NRXN3: variants seen among roughly 807,000 people sequenced by gnomAD.
The protein encoded by NRXN3 is neurexin III.
In NRXN3, 32 loss-of-function variants were observed where a neutral mutation model predicts 137.6. The ratio of observed to expected loss-of-function variants is 0.23; its 90% CI spans 0.18 to 0.31. NRXN3 has a LOEUF of 0.31. Ranked by LOEUF, NRXN3 falls within the 10% of genes least tolerant of loss-of-function variation. The pLI is 1.00. For synonymous variants in NRXN3, 798 were observed against 784.5 expected (o/e 1.02, Z -0.29); for missense variants, 1,574 against 2,062.5 (o/e 0.76, Z 4.59).
intron 15 of NRXN3, among the ~76,000 whole-genome samples, chr14:79,087,856 C>T (rs1252600342): frequency 1.1e-4 from 16 of 152,158 alleles, no homozygotes; most frequent in Non-Finnish European, 2.9e-5. Flanking sequence ...CTGGAAGAGT[C>T]CTCTGGAGAG....
intron 19 of NRXN3, among the ~76,000 whole-genome samples, chr14:79,710,710 T>A (rs753609674): frequency 1.1e-4 from 17 of 152,090 alleles, no homozygotes; most frequent in Non-Finnish European, 2.1e-4. Flanking sequence ...ATATTTGAGT[T>A]ATTTGAGTGC....
chr14:79,279,977 C>A (rs1004645995), intron 15 of NRXN3: 16 of 1,154,672 alleles, frequency 1.4e-5, no homozygotes, highest in Middle Eastern at 3.8e-4. Context: ...GAGGAAGCCG[C>A]GCCGGTCTTC....
intron 16 of NRXN3, among the ~76,000 whole-genome samples, chr14:79,499,992 T>TGTGTGTG (rs1567302849): frequency 6.2e-5 from 9 of 144,098 alleles, no homozygotes; most frequent in South Asian, 2.2e-4. Context: ...TGTGTGTGTG[T>TGTGTGTG]TAAAGGACGA....
At chr14:79,359,246 C>T (rs1300059449) in intron 15 of NRXN3, among the ~76,000 whole-genome samples, 1 of 152,132 alleles carries the variant, frequency 6.6e-6, no homozygotes. Flanking sequence ...AGTCTTTTCC[C>T]ATTGTTCTGC....
At chr14:78,213,352 C>T (rs760175385) in intron 1 of NRXN3, among the ~76,000 whole-genome samples, 1 of 152,100 alleles carries the variant, frequency 6.6e-6, no homozygotes. Context: ...ATTAGACATG[C>T]AAGAATCTTA....
At chr14:78,439,519 T>G (rs1273639131) in intron 4 of NRXN3, among the ~76,000 whole-genome samples, 1 of 152,220 alleles carries the variant, frequency 6.6e-6, no homozygotes, top group Non-Finnish European at 1.5e-5. Flanking sequence ...AGAAGTTAAT[T>G]GCCTGTGGTC....
intron 16 of NRXN3, among the ~76,000 whole-genome samples, chr14:79,573,427 C>G (rs1264946160): frequency 6.6e-6 from 1 of 152,076 alleles, no homozygotes; most frequent in Non-Finnish European, 1.5e-5. Context: ...TGTCACACAG[C>G]ACTGGTTTTG....
chr14:78,632,423 A>T (rs1024854253), intron 4 of NRXN3, among the ~76,000 whole-genome samples: 1 of 151,720 alleles, frequency 6.6e-6, no homozygotes, highest in Non-Finnish European at 1.5e-5. Context: ...TTTTTTTTTT[A>T]AAGAAATGAA....
intron 15 of NRXN3, among the ~76,000 whole-genome samples, chr14:79,193,063 C>T (rs1421817414): frequency 2.0e-5 from 3 of 151,886 alleles, no homozygotes; most frequent in Non-Finnish European, 2.9e-5. Flanking sequence ...GCCACCACGC[C>T]TGGCTATGTA....
At chr14:79,330,534 G>T (rs974707090) in intron 15 of NRXN3, among the ~76,000 whole-genome samples, 2 of 152,134 alleles carry the variant, frequency 1.3e-5, no homozygotes, top group African/African-American at 2.4e-5. Context: ...TGGTCTATTT[G>T]AGTTGATGTT....
At chr14:79,732,000 C>A (rs962059023) in intron 19 of NRXN3, among the ~76,000 whole-genome samples, 1 of 152,006 alleles carries the variant, frequency 6.6e-6, no homozygotes, top group Non-Finnish European at 1.5e-5. Context: ...CCCTCCCTCA[C>A]CCCTCCCAAT....
chr14:78,780,294 A>G (rs919583354), intron 8 of NRXN3, among the ~76,000 whole-genome samples: 2 of 152,220 alleles, frequency 1.3e-5, no homozygotes, highest in African/African-American at 4.8e-5. Flanking sequence ...TATATCACCC[A>G]TGAAAATAAA....
At chr14:79,415,730 T>C (rs1311423472) in intron 15 of NRXN3, among the ~76,000 whole-genome samples, 1 of 152,136 alleles carries the variant, frequency 6.6e-6, no homozygotes, top group Admixed American at 6.6e-5. Flanking sequence ...GTTTAAGAAA[T>C]GTAGCATTGA....
intron 1 of NRXN3, among the ~76,000 whole-genome samples, chr14:78,219,818 A>T (rs78976257): frequency 0.013 from 1,970 of 152,260 alleles, 22 homozygotes; most frequent in Non-Finnish European, 0.021. Context: ...GTACGTTAGG[A>T]GAGTTGGAAG....
rs541954439 is a variant in NRXN3, at chr14:79,717,411, A to G, written c.4014+19474A>G. 1.2e-4 allele frequency among the ~76,000 whole-genome samples: 19 copies of G among 152,360 alleles called. No homozygotes were observed. In the South Asian group the frequency reaches 3.9e-3, roughly 32 times the overall value. ...GCTAATTCTTTCAAACTTCCTTGTC[A>G]GACTCAAACCTCGATGTGTCTTTTG... On this transcript the variant is annotated intron_variant, in intron 19 of 20. Transcript: ENST00000335750.
intron 16 of NRXN3, among the ~76,000 whole-genome samples, chr14:79,586,096 T>G (rs531315774): frequency 4.4e-4 from 67 of 152,330 alleles, no homozygotes; most frequent in African/African-American, 1.6e-3. Context: ...CCCTGGGAGA[T>G]GCATATGCCA....
intron 3 of NRXN3, among the ~76,000 whole-genome samples, chr14:78,289,314 A>G (rs2075540056): frequency 6.6e-6 from 1 of 152,170 alleles, no homozygotes; most frequent in Non-Finnish European, 1.5e-5. Context: ...CATTCTGATT[A>G]TGGGTAGCAT....
chr14:78,522,402 T>A (rs2096296732), intron 4 of NRXN3, among the ~76,000 whole-genome samples: 1 of 152,202 alleles, frequency 6.6e-6, no homozygotes, highest in African/African-American at 2.4e-5. Flanking sequence ...ATAATTTGGT[T>A]GAAAGAGTCA....
At chr14:79,146,729 T>A (rs1205144683) in intron 15 of NRXN3, among the ~76,000 whole-genome samples, 1 of 152,104 alleles carries the variant, frequency 6.6e-6, no homozygotes, top group East Asian at 1.9e-4. Flanking sequence ...CAAAGCAGAA[T>A]CCATCTCCTT....
Sources: allele counts gnomAD v4.1 joint callset (sites outside exome capture counted in the v4.1 genomes callset), GRCh38; gene constraint gnomAD v4.1.1; transcripts MANE v1.5; gene names NCBI Gene and HGNC (gene_info 2026-07-23, HGNC 2026-07-21).